TTLL11: variants seen among roughly 807,000 people sequenced by gnomAD.
TTLL11 encodes tubulin tyrosine ligase like 11.
TTLL11 carries 42 observed loss-of-function variants against 51.7 expected under a neutral mutation model. The ratio of observed to expected loss-of-function variants is 0.81; its 90% CI spans 0.64 to 1.05. The LOEUF (loss-of-function observed/expected upper bound fraction) is 1.05, where lower values mean the gene tolerates loss of function less well. Among genes scored for constraint, TTLL11 ranks in the 50% least tolerant of loss-of-function variants. TTLL11 has a pLI of 0.00. For synonymous variants in TTLL11, 381 were observed against 383.5 expected (o/e 0.99, Z 0.08); for missense variants, 799 against 940.4 (o/e 0.85, Z 1.97).
chr9:122,075,653 T>A (rs1392525449), intron 1 of TTLL11, among the ~76,000 whole-genome samples: 1 of 152,178 alleles, frequency 6.6e-6, no homozygotes, highest in East Asian at 1.9e-4. Context: ...TAAAGTTTAG[T>A]AATTTCTAAG....
At chr9:122,026,762 A>G (rs1230068575) in intron 3 of TTLL11, among the ~76,000 whole-genome samples, 1 of 152,188 alleles carries the variant, frequency 6.6e-6, no homozygotes, top group African/African-American at 2.4e-5. Flanking sequence ...CACTACTTTA[A>G]CTAAGTGATC....
At chr9:121,933,321 G>A (rs762653794) in intron 6 of TTLL11, among the ~76,000 whole-genome samples, 3 of 152,196 alleles carry the variant, frequency 2.0e-5, no homozygotes, top group Non-Finnish European at 4.4e-5. Flanking sequence ...GAATTACAGA[G>A]TAGTGGAGAA....
At chr9:121,837,270 T>A (rs1837206630) in intron 8 of TTLL11, among the ~76,000 whole-genome samples, 2 of 151,800 alleles carry the variant, frequency 1.3e-5, no homozygotes, top group African/African-American at 4.9e-5. Flanking sequence ...CAGTACATAC[T>A]TGAATGAGCA....
intron 4 of TTLL11, among the ~76,000 whole-genome samples, chr9:121,980,350 A>T (rs1842801403): frequency 6.6e-6 from 1 of 152,216 alleles, no homozygotes; most frequent in Non-Finnish European, 1.5e-5. Flanking sequence ...ATAAGGAAAT[A>T]TCCTCGTGCC....
chr9:121,968,805 G>C (rs1057473933), intron 6 of TTLL11, among the ~76,000 whole-genome samples: 48 of 151,362 alleles, frequency 3.2e-4, no homozygotes, highest in African/African-American at 1.1e-3. Flanking sequence ...GTGATCTGCT[G>C]TTGAGTGGTA....
intron 8 of TTLL11, among the ~76,000 whole-genome samples, chr9:121,826,141 T>G (rs1836742550): frequency 8.8e-6 from 1 of 113,548 alleles, no homozygotes; most frequent in Non-Finnish European, 1.7e-5. Flanking sequence ...ATTCTACTTT[T>G]TATCAAAGTA....
chr9:122,092,826 T>G lies in TTLL11; in HGVS notation c.323A>C (p.Lys108Thr), dbSNP rs1347168478. The change falls in exon 1 of 9, where the codon AAG becomes ACG. Residue 108 changes from lysine (K) to threonine (T), a missense_variant. Physicochemically the swap from Lys to Thr is moderately conservative, Grantham distance 78. This residue lies in a region of TTLL11 where 166 missense variants were observed against 161.6 expected (regional missense o/e 1.03). Coordinates refer to ENST00000321582, the MANE Select transcript of TTLL11 (RefSeq NM_001139442.2). ...GLCPHGKPRD[K>T]GRSCKRSSGH... ...CGAGCTCCGCTTGCAGCTTCGGCCC[T>G]TGTCCCGGGGCTTCCCGTGCGGGCA... 21 of 1,556,992 alleles carry G rather than the reference T, an allele frequency of 1.3e-5. No homozygotes were observed. Among genetic ancestry groups the G allele is most frequent in the Non-Finnish European group, 1.8e-5 (21 of 1,158,492 alleles).
chr9:121,878,293 T>C (rs996191497), intron 6 of TTLL11, among the ~76,000 whole-genome samples: 1 of 152,186 alleles, frequency 6.6e-6, no homozygotes, highest in Non-Finnish European at 1.5e-5. Context: ...CTTGGGGGGC[T>C]TGTAACTGTC....
chr9:121,974,367 C>A (rs916433467), intron 5 of TTLL11, among the ~76,000 whole-genome samples: 3 of 151,906 alleles, frequency 2.0e-5, no homozygotes, highest in African/African-American at 7.3e-5. Flanking sequence ...ATGCTCACTG[C>A]AAAAAATTAA....
chr9:121,854,814 G>C (rs1837764659), intron 8 of TTLL11, among the ~76,000 whole-genome samples: 1 of 152,148 alleles, frequency 6.6e-6, no homozygotes, highest in Non-Finnish European at 1.5e-5. Flanking sequence ...TTTGAATTCT[G>C]GGCAATGAGA....
At chr9:121,950,400 G>A (rs762499545) in intron 6 of TTLL11, among the ~76,000 whole-genome samples, 63 of 152,114 alleles carry the variant, frequency 4.1e-4, no homozygotes, top group Middle Eastern at 3.2e-3. Context: ...CCAGATAGGT[G>A]CTATTATTAA....
chr9:122,068,341 G>A (rs922056920), intron 1 of TTLL11, among the ~76,000 whole-genome samples: 1 of 152,162 alleles, frequency 6.6e-6, no homozygotes, highest in Non-Finnish European at 1.5e-5. Flanking sequence ...GTTTGCCTCT[G>A]AGGAAGGGAA....
chr9:121,929,388 C>G (rs373793580), intron 6 of TTLL11, among the ~76,000 whole-genome samples: 17 of 151,172 alleles, frequency 1.1e-4, no homozygotes, highest in African/African-American at 3.9e-4. Flanking sequence ...TGCAGTGAGC[C>G]GAGATCACAC....
chr9:121,981,167 CTG>C (rs1842820021), intron 4 of TTLL11, among the ~76,000 whole-genome samples: 1 of 150,266 alleles, frequency 6.7e-6, no homozygotes, highest in Non-Finnish European at 1.5e-5. Context: ...CCTCTCTCTT[CTG>C]CCCTGGGACT....
At chr9:122,059,874 G>C (rs981053587) in intron 1 of TTLL11, among the ~76,000 whole-genome samples, 3 of 152,076 alleles carry the variant, frequency 2.0e-5, no homozygotes, top group South Asian at 2.1e-4. Context: ...TTGCAGCTGC[G>C]GGACTGAGAT....
At chr9:122,054,803 T>A (rs1845248373) in intron 1 of TTLL11, among the ~76,000 whole-genome samples, 1 of 152,184 alleles carries the variant, frequency 6.6e-6, no homozygotes, top group Non-Finnish European at 1.5e-5. Flanking sequence ...GACTCTTCCA[T>A]ATCGAAACTT....
rs191878073 is a variant in TTLL11, at chr9:121,848,863, C to T, written c.1840+11474G>A. On this transcript the variant is annotated intron_variant, in intron 8 of 8. Coordinates refer to ENST00000321582, the MANE Select transcript of TTLL11 (RefSeq NM_001139442.2). ...ATTCAACACAATCCAAATGAAAATC[C>T]CAGCAAGTTATTTTGTGGATATTGA... 1.7e-3 allele frequency among the ~76,000 whole-genome samples: 255 copies of T among 152,122 alleles called. 1 individual carries two copies. Among genetic ancestry groups the T allele is most frequent in the African/African-American group, 6.0e-3 (247 of 41,510 alleles).
intron 3 of TTLL11, among the ~76,000 whole-genome samples, chr9:121,998,720 T>C (rs894986658): frequency 2.6e-5 from 4 of 152,216 alleles, no homozygotes; most frequent in South Asian, 2.1e-4. Flanking sequence ...ATTGCAGTAT[T>C]GATCAGTGCC....
chr9:121,970,379 T>C (rs576025789), intron 6 of TTLL11, among the ~76,000 whole-genome samples: 1 of 152,318 alleles, frequency 6.6e-6, no homozygotes, highest in Admixed American at 6.5e-5. Flanking sequence ...TAAAACTAAA[T>C]GTGTTTCAAT....
Sources: allele counts gnomAD v4.1 joint callset (sites outside exome capture counted in the v4.1 genomes callset), GRCh38; gene constraint gnomAD v4.1.1; regional missense constraint gnomAD v4.1.1; transcripts MANE v1.5; gene names NCBI Gene and HGNC (gene_info 2026-07-23, HGNC 2026-07-21).